Variants in PTPRG observed in about 807,000 individuals in gnomAD.
PTPRG encodes protein tyrosine phosphatase receptor type G, also known as receptor-type tyrosine-protein phosphatase gamma.
A neutral mutation model predicts 165.3 loss-of-function variants in PTPRG; 102 were observed. The observed-to-expected ratio is 0.62, with a 90% CI of 0.53 to 0.73. The LOEUF is 0.73. PTPRG is among the 30% of genes least tolerant of loss of function. The probability of loss-of-function intolerance (pLI) is 0.00; values close to 1 mark genes in which losing one functional copy is unlikely to be tolerated. For missense variants in PTPRG, 1,866 were observed against 1,861.4 expected, an observed-to-expected ratio of 1.00 and a Z score of -0.05; for synonymous variants, 675 against 669.5, an observed-to-expected ratio of 1.01 and a Z score of -0.13.
intron 12 of PTPRG, among the ~76,000 whole-genome samples, chr3:62,212,183 T>C (rs138976547): frequency 6.6e-6 from 1 of 152,130 alleles, no homozygotes; most frequent in Non-Finnish European, 1.5e-5. Flanking sequence ...GCTCATTCTT[T>C]GAGTCTGGGC....
intron 2 of PTPRG, among the ~76,000 whole-genome samples, chr3:61,811,940 C>A (rs1280817104): frequency 6.6e-6 from 1 of 152,188 alleles, no homozygotes; most frequent in Non-Finnish European, 1.5e-5. Flanking sequence ...GAGCTCTGCG[C>A]TTTCTCTCCA....
intron 1 of PTPRG, among the ~76,000 whole-genome samples, chr3:61,746,455 A>G (rs982382042): frequency 6.6e-6 from 1 of 151,624 alleles, no homozygotes; most frequent in African/African-American, 2.4e-5. Flanking sequence ...TATTTTTTGT[A>G]GAGATAGGGT....
rs145972046 is a variant in PTPRG, at chr3:62,103,447, C to T, written c.615+25189C>T. Among the ~76,000 whole-genome samples the T allele has an allele frequency of 1.5e-3, 229 of 152,318 alleles. 3 individuals are homozygous for T. The highest frequency in any genetic ancestry group is 0.012 in the South Asian group (56 of 4,820). On this transcript the variant is annotated intron_variant, in intron 5 of 29. Transcript: ENST00000474889. ...CAAAATAAAAGTTATCCATCTCCAG[C>T]GCCTGGGATTCCGGTCTCACGGTTT...
chr3:61,672,763 AAGAGGGAGAGGGAG>A (rs1312453824), intron 1 of PTPRG, among the ~76,000 whole-genome samples: 2 of 95,472 alleles, frequency 2.1e-5, no homozygotes, highest in Admixed American at 1.0e-4. Flanking sequence ...GGAGAGGGAG[AAGAGGGAGAGGGAG>A]AGAGGGAGAG....
At chr3:61,777,470 G>C (rs569882646) in intron 2 of PTPRG, among the ~76,000 whole-genome samples, 1 of 152,302 alleles carries the variant, frequency 6.6e-6, no homozygotes, top group East Asian at 1.9e-4. Flanking sequence ...ACATTTTCTA[G>C]GCCCTGGGAA....
chr3:61,933,495 C>T (rs1444332323), intron 2 of PTPRG, among the ~76,000 whole-genome samples: 2 of 152,256 alleles, frequency 1.3e-5, no homozygotes, highest in East Asian at 1.9e-4. Flanking sequence ...ACCAAGCATA[C>T]GTTGCTTCTG....
At chr3:61,766,618 T>A (rs539134674) in intron 2 of PTPRG, among the ~76,000 whole-genome samples, 202 of 142,732 alleles carry the variant, frequency 1.4e-3, no homozygotes, top group African/African-American at 5.2e-3. Flanking sequence ...TTAAAAAAAA[T>A]TTTTTTTTTT....
At chr3:61,564,459 C>T (rs1252899816) in intron 1 of PTPRG, among the ~76,000 whole-genome samples, 1 of 152,164 alleles carries the variant, frequency 6.6e-6, no homozygotes, top group African/African-American at 2.4e-5. Context: ...CTTCGTGGGG[C>T]TTGGACCATT....
chr3:62,054,874 G>C (rs928158491), intron 4 of PTPRG, among the ~76,000 whole-genome samples: 2 of 152,214 alleles, frequency 1.3e-5, no homozygotes, highest in African/African-American at 4.8e-5. Flanking sequence ...CATGGACGAG[G>C]TATAAAGATG....
At chr3:61,680,708 A>T (rs1703407854) in intron 1 of PTPRG, among the ~76,000 whole-genome samples, 1 of 151,480 alleles carries the variant, frequency 6.6e-6, no homozygotes, top group African/African-American at 2.4e-5. Flanking sequence ...TTGGTGAGCA[A>T]ACTTTTCCTA....
chr3:61,639,715 T>C (rs893354205), intron 1 of PTPRG, among the ~76,000 whole-genome samples: 1 of 152,188 alleles, frequency 6.6e-6, no homozygotes, highest in Non-Finnish European at 1.5e-5. Context: ...AGCTTGAACA[T>C]TATTGGTCTA....
intron 2 of PTPRG, among the ~76,000 whole-genome samples, chr3:61,909,829 A>G (rs1431973498): frequency 6.6e-6 from 1 of 152,230 alleles, no homozygotes; most frequent in Non-Finnish European, 1.5e-5. Flanking sequence ...ATACAATAAT[A>G]TACCAAGTGA....
At chr3:61,779,254 T>G (rs1018510974) in intron 2 of PTPRG, among the ~76,000 whole-genome samples, 2 of 152,158 alleles carry the variant, frequency 1.3e-5, no homozygotes, top group Non-Finnish European at 2.9e-5. Flanking sequence ...CTGAGCAAAC[T>G]GGGGAAACAT....
chr3:61,588,104 A>C (rs1341975741), intron 1 of PTPRG, among the ~76,000 whole-genome samples: 3 of 152,096 alleles, frequency 2.0e-5, no homozygotes, highest in Non-Finnish European at 4.4e-5. Flanking sequence ...AGTACAGACC[A>C]CTTAATTTTG....
At chr3:61,669,395 T>C (rs1023300540) in intron 1 of PTPRG, among the ~76,000 whole-genome samples, 3 of 113,272 alleles carry the variant, frequency 2.6e-5, no homozygotes, top group South Asian at 3.8e-4. Context: ...CAGAGGAACA[T>C]TGGATGTGTC....
chr3:61,932,775 C>T (rs2039392432), intron 2 of PTPRG, among the ~76,000 whole-genome samples: 1 of 152,180 alleles, frequency 6.6e-6, no homozygotes, highest in Non-Finnish European at 1.5e-5. Context: ...AGAAACAATT[C>T]AGTTTCTCTC....
intron 1 of PTPRG, among the ~76,000 whole-genome samples, chr3:61,621,486 T>C (rs1168131447): frequency 2.6e-5 from 4 of 152,234 alleles, no homozygotes; most frequent in Non-Finnish European, 5.9e-5. Context: ...TCACCTCTTA[T>C]GTTTTACCTG....
intron 5 of PTPRG, among the ~76,000 whole-genome samples, chr3:62,109,330 G>A (rs544847826): frequency 6.6e-6 from 1 of 152,156 alleles, no homozygotes; most frequent in South Asian, 2.1e-4. Context: ...GTGTGTGTCA[G>A]GTTTGTCAAA....
chr3:61,679,897 A>G lies in PTPRG; in HGVS notation c.86-68981A>G, dbSNP rs150153403. Reference sequence around the variant, plus strand: ...CAGTGGGAAGTAAAGAGTGATCCCAAGGAGAAGTAAAAATCTTGACACCTT... The same window carrying G: ...CAGTGGGAAGTAAAGAGTGATCCCAGGGAGAAGTAAAAATCTTGACACCTT... On this transcript the variant is annotated intron_variant, in intron 1 of 29. Transcript: ENST00000474889. Among the ~76,000 whole-genome samples, 1,210 of 152,326 alleles carry G rather than the reference A, an allele frequency of 7.9e-3. 22 individuals are homozygous for G. The highest frequency in any genetic ancestry group is 0.028 in the African/African-American group (1,145 of 41,576).
Sources: gnomAD v4.1 joint callset for allele counts (sites outside exome capture counted in the v4.1 genomes callset) on GRCh38, gnomAD v4.1.1 for gene constraint, MANE v1.5 for transcripts, NCBI Gene and HGNC (gene_info 2026-07-23, HGNC 2026-07-21) for gene names.